The following USH2A variants were observed in gnomAD, a reference collection of about 807,000 sequenced individuals.
USH2A encodes the protein usherin, also known as Usher syndrome 2A (autosomal recessive, mild).
Under a neutral mutation model 538.9 loss-of-function variants are expected in USH2A, and 443 were observed. The ratio of observed to expected loss-of-function variants is 0.82; its 90% CI spans 0.76 to 0.89. USH2A has a LOEUF of 0.89. USH2A is among the 40% of genes least tolerant of loss of function. The pLI, the probability that USH2A is intolerant of heterozygous loss-of-function variation, is 0.00. For synonymous variants in USH2A, 2,413 were observed against 2,273.5 expected, an observed-to-expected ratio of 1.06 and a Z score of -1.75; for missense variants, 6,633 against 6,324.8, an observed-to-expected ratio of 1.05 and a Z score of -1.65.
intron 71 of USH2A, among the ~76,000 whole-genome samples, chr1:215,627,438 TTCCTTCCTTCCTTCC>T (rs1656085502): frequency 1.1e-4 from 11 of 102,144 alleles, no homozygotes; most frequent in East Asian, 3.7e-4. Flanking sequence ...CCTTCCTTCC[TTCCTTCCTTCCTTCC>T]TTCCTTCCTT....
chr1:216,242,349 C>T (rs1458588188), intron 13 of USH2A, among the ~76,000 whole-genome samples: 4 of 150,246 alleles, frequency 2.7e-5, no homozygotes, highest in African/African-American at 9.8e-5. Context: ...GAGCTAGACT[C>T]CATCTCAAAA....
chr1:216,278,405 T>G (rs1160606189), intron 11 of USH2A, among the ~76,000 whole-genome samples: 1 of 152,220 alleles, frequency 6.6e-6, no homozygotes, highest in Non-Finnish European at 1.5e-5. Flanking sequence ...AATTTTTCCC[T>G]TCTTTTCCCA....
At chr1:216,188,959 A>G (rs1244203159) in intron 20 of USH2A, among the ~76,000 whole-genome samples, 1 of 151,878 alleles carries the variant, frequency 6.6e-6, no homozygotes, top group African/African-American at 2.4e-5. Flanking sequence ...CTGAAATTGT[A>G]TCATTTAAAG....
intron 32 of USH2A, among the ~76,000 whole-genome samples, chr1:216,029,968 A>G (rs1203736490): frequency 6.7e-6 from 1 of 149,060 alleles, no homozygotes; most frequent in African/African-American, 2.5e-5. Context: ...TGATAGATAG[A>G]TAGAGAGAGA....
rs1165894782 is a variant in USH2A, at chr1:216,046,435, G to T, written c.6321C>A (p.Val2107=). Residue 2107 remains valine (V), a synonymous_variant, in exon 32 of 72, where the codon GTC becomes GTA. Coordinates refer to ENST00000307340, the MANE Select transcript of USH2A (RefSeq NM_206933.4). ...TGATAACTCTAGAGGTCTTACCTGT[G>T]ACTATGTAGTTCTCCTCACTGCCTG... ...IYSGSEENYI[V]TDLAVFTPHQ... is the part of the protein sequence containing the mutation. 4 of 1,613,298 alleles carry T rather than the reference G, an allele frequency of 2.5e-6. No individual in the cohort carries two copies. The African/African-American group carries it at 4.0e-5, about 16-fold the overall frequency.
chr1:216,023,187 A>G (rs1668879241), intron 32 of USH2A, among the ~76,000 whole-genome samples: 1 of 152,080 alleles, frequency 6.6e-6, no homozygotes, highest in Admixed American at 6.6e-5. Flanking sequence ...ATCTATATCT[A>G]TATATCTACC....
intron 21 of USH2A, among the ~76,000 whole-genome samples, chr1:216,147,342 T>G (rs922892677): frequency 6.6e-6 from 1 of 152,138 alleles, no homozygotes; most frequent in Non-Finnish European, 1.5e-5. Context: ...TTTCGTTCCG[T>G]GACTAGCCCT....
Position 215,680,206 on chromosome 1 carries a change from A to G in USH2A, c.12237T>C (p.Asn4079=), listed in dbSNP as rs1315799329. 4 of 1,614,154 alleles carry G rather than the reference A, an allele frequency of 2.5e-6. No homozygotes were observed. Among genetic ancestry groups the G allele is most frequent in the Non-Finnish European group, 2.5e-6 (3 of 1,180,016 alleles). ...ACCACTGTAGTAGCAATGCCCGGCCATTCTCTTTCTGTTCTACTATAAAGT... is the reference window on the plus strand; with the variant it reads ...ACCACTGTAGTAGCAATGCCCGGCCGTTCTCTTTCTGTTCTACTATAAAGT... ...LRNFIVEQKE[N]GRALLLQWSE... is the part of the protein sequence containing the mutation. Residue 4079 remains asparagine, a synonymous_variant, in exon 62 of 72, where the codon AAT becomes AAC. Transcript: ENST00000307340.
Position 215,743,239 on chromosome 1 carries a change from G to C in USH2A, c.11486C>G (p.Thr3829Ser), listed in dbSNP as rs1032133263. 1 of 1,612,546 alleles carries C rather than the reference G, an allele frequency of 6.2e-7. No homozygotes were observed. The highest frequency in any genetic ancestry group is 2.2e-5 in the East Asian group (1 of 44,766). Residue 3829 changes from threonine (T) to serine (S), a missense_variant, in exon 59 of 72, where the codon ACC (threonine) becomes AGC (serine). Coordinates refer to ENST00000307340, the MANE Select transcript of USH2A (RefSeq NM_206933.4). ...GAATGGAGTCAAATTTTCCAGAAGG[G>C]TGGATTGATGATGACCAACGGAGAA... ...LAFSVGHHQS[T>S]LLENLTPFTQ...
intron 46 of USH2A, among the ~76,000 whole-genome samples, chr1:215,841,140 A>G (rs979063045): frequency 6.6e-6 from 1 of 152,220 alleles, no homozygotes; most frequent in Non-Finnish European, 1.5e-5. Context: ...AATAGATTCA[A>G]TGATATTCCC....
chr1:215,657,984 A>T (rs1657316575), intron 64 of USH2A, among the ~76,000 whole-genome samples: 1 of 139,144 alleles, frequency 7.2e-6, no homozygotes, highest in African/African-American at 2.8e-5. Flanking sequence ...CCCAGGCTGG[A>T]GTGCAGTGGC....
At chr1:215,676,161 A>C (rs1345470531) in intron 62 of USH2A, among the ~76,000 whole-genome samples, 1 of 152,122 alleles carries the variant, frequency 6.6e-6, no homozygotes, top group Non-Finnish European at 1.5e-5. Flanking sequence ...ATAAGTACAA[A>C]TATCCATACA....
chr1:215,712,120 G>A (rs974406666), intron 61 of USH2A, among the ~76,000 whole-genome samples: 2 of 152,130 alleles, frequency 1.3e-5, no homozygotes, highest in Non-Finnish European at 2.9e-5. Flanking sequence ...GGCCTTTAGC[G>A]ACTCCCAACC....
intron 47 of USH2A, among the ~76,000 whole-genome samples, chr1:215,830,207 C>T (rs768739667): frequency 2.0e-4 from 31 of 152,050 alleles, no homozygotes; most frequent in Non-Finnish European, 3.1e-4. Flanking sequence ...AAATTTTTTC[C>T]GGCTAGAGTA....
chr1:216,198,302 C>T lies in USH2A; in HGVS notation c.4081+13G>A, dbSNP rs747352193. 3 of 1,613,636 alleles carry T rather than the reference C, an allele frequency of 1.9e-6. No individual in the cohort carries two copies. In the Admixed American group the frequency reaches 5.0e-5, roughly 27 times the overall value. ...GAGGTTTTAAAAGTAGAATTTAAAACATTGATCTTTACCTGATTCTCCCGT... is the reference window on the plus strand; with the variant it reads ...GAGGTTTTAAAAGTAGAATTTAAAATATTGATCTTTACCTGATTCTCCCGT... On this transcript the variant is annotated intron_variant, in intron 18 of 71. Coordinates refer to ENST00000307340, the MANE Select transcript of USH2A (RefSeq NM_206933.4).
At chr1:215,627,764 G>A (rs1457287113) in intron 71 of USH2A, among the ~76,000 whole-genome samples, 2 of 152,060 alleles carry the variant, frequency 1.3e-5, no homozygotes, top group Non-Finnish European at 2.9e-5. Flanking sequence ...TCTGGACCTC[G>A]TGATCCGCCC....
At chr1:216,104,389 C>T (rs1571964081) in intron 21 of USH2A, among the ~76,000 whole-genome samples, 1 of 152,142 alleles carries the variant, frequency 6.6e-6, no homozygotes, top group South Asian at 2.1e-4. Context: ...CTACAAAGGA[C>T]ATGAACTCAT....
intron 30 of USH2A, among the ~76,000 whole-genome samples, chr1:216,062,851 C>G (rs2102539378): frequency 6.6e-6 from 1 of 152,150 alleles, no homozygotes; most frequent in South Asian, 2.1e-4. Flanking sequence ...ATTTTCCAAG[C>G]TGAAGAAAGA....
Position 216,078,199 on chromosome 1 carries a change from T to C in USH2A, c.5462A>G (p.Lys1821Arg). 6.2e-7 allele frequency: 1 copy of C among 1,613,826 alleles called. No homozygotes were observed. ...CTGGTCTCCGGACTCCGATGCATGCTTCATCAGTCCATTCACACTTGCTGA... is the reference window on the plus strand; with the variant it reads ...CTGGTCTCCGGACTCCGATGCATGCCTCATCAGTCCATTCACACTTGCTGA... ...FISASVNGLMKHASESGDQPL... is the reference protein window; with the variant it reads ...FISASVNGLMRHASESGDQPL... The change falls in exon 27 of 72, where the codon AAG becomes AGG. Residue 1821 changes from lysine (K) to arginine (R), a missense_variant. Lys to Arg is a conservative substitution (Grantham distance 26). Coordinates refer to ENST00000307340, the MANE Select transcript of USH2A (RefSeq NM_206933.4).
Sources: gnomAD v4.1 joint callset for allele counts (sites outside exome capture counted in the v4.1 genomes callset) on GRCh38, gnomAD v4.1.1 for gene constraint, MANE v1.5 for transcripts, NCBI Gene and HGNC (gene_info 2026-07-23, HGNC 2026-07-21) for gene names.